The following RERE variants were observed in gnomAD, a reference collection of about 807,000 sequenced individuals.
RERE encodes the protein arginine-glutamic acid dipeptide repeats, also known as arginine-glutamic acid dipeptide repeats protein.
RERE carries 40 observed loss-of-function variants against 146.1 expected under a neutral mutation model. That is an observed-to-expected ratio of 0.27 (90% CI 0.21 to 0.36). The LOEUF (loss-of-function observed/expected upper bound fraction) is 0.36. Among genes scored for constraint, RERE ranks in the 10% least tolerant of loss-of-function variants. The pLI, the probability that RERE is intolerant of heterozygous loss-of-function variation, is 1.00. For synonymous variants in RERE, 1,003 were observed against 866.0 expected (o/e 1.16, Z -2.78); for missense variants, 1,933 against 2,138.7 (o/e 0.90, Z 1.90).
chr1:8,363,918 C>G, intron 15 of RERE, 138 bp downstream of exon 15: 2 of 785,718 alleles, frequency 2.5e-6, no homozygotes, highest in Non-Finnish European at 4.1e-6. Context: ...AAGCTACCGC[C>G]TCGGGCAAAG....
chr1:8,633,681 C>T (rs1275657856), intron 2 of RERE, among the ~76,000 whole-genome samples: 2 of 152,114 alleles, frequency 1.3e-5, no homozygotes, highest in Non-Finnish European at 2.9e-5. Context: ...AATCCCAGCA[C>T]TTTGGGAAGC....
rs186627529 is a variant in RERE, at chr1:8,570,546, T to C, written c.523-13023A>G. Among the ~76,000 whole-genome samples, 67 of 152,286 alleles carry C rather than the reference T, an allele frequency of 4.4e-4. No individual in the cohort carries two copies. The East Asian group carries it at 0.011, about 25-fold the overall frequency. On this transcript the variant is annotated intron_variant, in intron 4 of 22. Coordinates refer to ENST00000400908, the MANE Select transcript of RERE (RefSeq NM_001042681.2). Reference sequence around the variant, plus strand: ...CTTAATAAGAAAACAGATTCCCATATCTACTTCTGCTTCTGTATTCAATCT... The same window carrying C: ...CTTAATAAGAAAACAGATTCCCATACCTACTTCTGCTTCTGTATTCAATCT...
At chr1:8,696,713 C>T (rs1183107990) in intron 1 of RERE, among the ~76,000 whole-genome samples, 1 of 151,766 alleles carries the variant, frequency 6.6e-6, no homozygotes, top group Non-Finnish European at 1.5e-5. Context: ...AGTTCGAGAC[C>T]AGCCTGGCCA....
intron 1 of RERE, among the ~76,000 whole-genome samples, chr1:8,699,521 G>T (rs1426967840): frequency 6.6e-6 from 1 of 152,166 alleles, no homozygotes; most frequent in East Asian, 1.9e-4. Flanking sequence ...TAGAGGGAAA[G>T]TCTAAGACCC....
chr1:8,408,500 C>A (rs1217611381), intron 12 of RERE, among the ~76,000 whole-genome samples: 1 of 152,138 alleles, frequency 6.6e-6, no homozygotes, highest in East Asian at 1.9e-4. Flanking sequence ...TGGAAACTGG[C>A]AGGCCTTTTA....
chr1:8,548,967 G>C (rs1360704376), intron 6 of RERE, among the ~76,000 whole-genome samples: 2 of 152,106 alleles, frequency 1.3e-5, no homozygotes, highest in Non-Finnish European at 2.9e-5. Flanking sequence ...CTGGGCAACA[G>C]AGCAAGACTC....
At chr1:8,355,281 C>T (rs921737415) in intron 22 of RERE, 138 bp downstream of exon 22, 39 of 1,150,550 alleles carry the variant, frequency 3.4e-5, no homozygotes, top group Non-Finnish European at 4.9e-5. Context: ...TCCTCTGTTT[C>T]TCCCATCACC....
At chr1:8,445,880 G>A (rs1264766189) in intron 11 of RERE, among the ~76,000 whole-genome samples, 2 of 139,092 alleles carry the variant, frequency 1.4e-5, no homozygotes, top group African/African-American at 5.4e-5. Flanking sequence ...GTGTCCATGT[G>A]TTCTCACTGT....
At chr1:8,373,633 G>C (rs1427409364) in intron 12 of RERE, among the ~76,000 whole-genome samples, 2 of 152,190 alleles carry the variant, frequency 1.3e-5, no homozygotes, top group Non-Finnish European at 2.9e-5. Context: ...CAGGAAGTCT[G>C]CATGCGACGC....
At chr1:8,635,176 T>C (rs889344244) in intron 2 of RERE, among the ~76,000 whole-genome samples, 55 of 152,236 alleles carry the variant, frequency 3.6e-4, no homozygotes, top group African/African-American at 1.2e-3. Flanking sequence ...AACAGGTATT[T>C]TGAAAAAACA....
At chr1:8,600,879 C>T (rs1184643505) in intron 4 of RERE, among the ~76,000 whole-genome samples, 1 of 151,516 alleles carries the variant, frequency 6.6e-6, no homozygotes, top group African/African-American at 2.4e-5. Flanking sequence ...CTCAGCCTCC[C>T]GAGTAGCTGG....
chr1:8,723,710 A>C (rs1639905505), intron 1 of RERE, among the ~76,000 whole-genome samples: 2 of 152,264 alleles, frequency 1.3e-5, no homozygotes, highest in South Asian at 4.1e-4. Context: ...TGGTGCCAAC[A>C]AAAGCTAACA....
intron 12 of RERE, among the ~76,000 whole-genome samples, chr1:8,393,408 T>A (rs775600657): frequency 2.0e-5 from 3 of 152,178 alleles, no homozygotes; most frequent in African/African-American, 4.8e-5. Flanking sequence ...CCTTTCTGAT[T>A]GGACCGTAGC....
intron 10 of RERE, among the ~76,000 whole-genome samples, chr1:8,491,395 T>C (rs760972064): frequency 1.1e-4 from 16 of 151,914 alleles, no homozygotes; most frequent in Non-Finnish European, 1.6e-4. Flanking sequence ...GATTGCGCCA[T>C]TGCACTCCAG....
chr1:8,612,917 AAGAC>A (rs1646809724), intron 4 of RERE, among the ~76,000 whole-genome samples: 1 of 152,312 alleles, frequency 6.6e-6, no homozygotes, highest in South Asian at 2.1e-4. Flanking sequence ...CTTCCACTGT[AAGAC>A]AGAGAATTCC....
chr1:8,746,421 AACCACTG>A (rs1640422144), intron 1 of RERE, among the ~76,000 whole-genome samples: 1 of 152,158 alleles, frequency 6.6e-6, no homozygotes, highest in Admixed American at 6.6e-5. Flanking sequence ...TCTCAGTAAG[AACCACTG>A]AGAACCCTCC....
chr1:8,372,626 T>TGA (rs1373798035), intron 12 of RERE, among the ~76,000 whole-genome samples: 1 of 151,664 alleles, frequency 6.6e-6, no homozygotes, highest in Non-Finnish European at 1.5e-5. Flanking sequence ...CAGAGAACAG[T>TGA]GAGAATCTTC....
intron 3 of RERE, among the ~76,000 whole-genome samples, chr1:8,617,739 C>T (rs547065447): frequency 1.4e-4 from 21 of 152,232 alleles, no homozygotes; most frequent in Middle Eastern, 6.8e-3. Context: ...GAGGTTCACA[C>T]GTATACTAGG....
intron 3 of RERE, among the ~76,000 whole-genome samples, chr1:8,617,383 T>TA (rs1288225224): frequency 2.1e-5 from 3 of 140,502 alleles, no homozygotes; most frequent in Admixed American, 2.1e-4. Context: ...TCTTAACTCT[T>TA]AAAGAATTAA....
Sources: gnomAD v4.1 joint callset for allele counts (sites outside exome capture counted in the v4.1 genomes callset) on GRCh38, gnomAD v4.1.1 for gene constraint, MANE v1.5 for transcripts, NCBI Gene and HGNC (gene_info 2026-07-23, HGNC 2026-07-21) for gene names.